Variants in CCNG2 observed in about 807,000 individuals in gnomAD.
The protein encoded by CCNG2 is cyclin G2, also known as cyclin-G2.
CCNG2 carries 20 observed loss-of-function variants against 36.5 expected under a neutral mutation model. That is an observed-to-expected ratio of 0.55 (90% CI 0.39 to 0.80). The LOEUF is 0.80. Ranked by LOEUF, CCNG2 falls within the 30% of genes least tolerant of loss-of-function variation. The pLI is 0.00. For missense variants in CCNG2, 358 were observed against 390.8 expected, an observed-to-expected ratio of 0.92 and a Z score of 0.71; for synonymous variants, 155 against 140.1, an observed-to-expected ratio of 1.11 and a Z score of -0.75.
Position 77,164,472 on chromosome 4 carries a change from A to T in CCNG2, c.904A>T (p.Ser302Cys). 1 of 1,613,140 alleles carries T rather than the reference A, an allele frequency of 6.2e-7. No homozygotes were observed. Among genetic ancestry groups the T allele is most frequent in the Non-Finnish European group, 8.5e-7 (1 of 1,179,126 alleles). ...ACCTGAGGGGGGTTGTTTTGATGAA[A>T]GTGAAAGGTAGGCAGGTTCCTTGAC... The part of the protein sequence containing the change: ...TIPEGGCFDE[S>C]ESEDSCEDMS... The change falls in exon 7 of 8, where the codon AGT (serine) becomes TGT (cysteine). Residue 302 changes from serine (S) to cysteine (C), a missense_variant. Physicochemically the swap from Ser to Cys is moderately radical, Grantham distance 112. Coordinates refer to ENST00000316355, the MANE Select transcript of CCNG2 (RefSeq NM_004354.3).
At position 77,166,603 on chromosome 4, in the gene CCNG2, CTA is replaced by C. The variant is rs1731640343; in HGVS notation, c.*681_*682del. On this transcript the variant is annotated 3_prime_UTR_variant, in exon 8 of 8. Transcript: ENST00000316355. ...TTCCTATTGCCCAAGTATTGTCAAA[CTA>C]TGGTATTATTTTAATGTTACTTTAA... 1 of 152,116 alleles carries C rather than the reference CTA, an allele frequency of 6.6e-6. No homozygotes were observed. The highest frequency in any genetic ancestry group is 1.5e-5 in the Non-Finnish European group (1 of 68,018). 9.4% of individuals were successfully genotyped at this position (152,116 alleles called of 1,614,324 possible).
At chr4:77,158,079 T>G (rs983620732) in intron 1 of CCNG2, among the ~76,000 whole-genome samples, 3 of 151,568 alleles carry the variant, frequency 2.0e-5, no homozygotes, top group Admixed American at 1.3e-4. Flanking sequence ...CTCGGGAGTC[T>G]CCTCCCTCCG....
rs1176001350 is a variant in CCNG2 at position 77,158,452 on chromosome 4, G to A, written c.1-81G>A. The A allele has an allele frequency of 1.3e-5, 19 of 1,415,122 alleles. No homozygotes were observed. In the East Asian group the frequency reaches 4.1e-4, roughly 31 times the overall value. 87.7% of individuals were successfully genotyped at this position (1,415,122 alleles called of 1,614,324 possible). A position where few individuals can be genotyped will look rare whatever the true frequency, so the allele number is the denominator to read the frequency against. On this transcript the variant is annotated intron_variant, in intron 1 of 7. Coordinates refer to ENST00000316355, the MANE Select transcript of CCNG2 (RefSeq NM_004354.3). ...TGTGCTGGGGCGACCCTTGCTGGAG[G>A]TACTGGCCTCAGCCCTTTCTCCCGC...
rs963574564 is a variant in CCNG2 at position 77,157,417 on chromosome 4, C to G, written c.-90C>G. The G allele has an allele frequency of 6.6e-6, 1 of 152,334 alleles. No individual in the cohort carries two copies. Among genetic ancestry groups the G allele is most frequent in the African/African-American group, 2.4e-5 (1 of 41,446 alleles). 9.4% of individuals were successfully genotyped at this position (152,334 alleles called of 1,614,324 possible). ...GGGCACCGCTGAGGCGGTGGGTCCC[C>G]GACCTGCGAGACAGGTTTGGAAGCC... On this transcript the variant is annotated 5_prime_UTR_variant, in exon 1 of 8. Coordinates refer to ENST00000316355, the MANE Select transcript of CCNG2 (RefSeq NM_004354.3).
rs1731365631 is a variant in CCNG2 at position 77,159,419 on chromosome 4, G to A, written c.191G>A (p.Arg64Lys). The A allele has an allele frequency of 6.2e-7, 1 of 1,613,806 alleles. No homozygotes were observed. Among genetic ancestry groups the A allele is most frequent in the African/African-American group, 1.3e-5 (1 of 74,922 alleles). ...GLRNAKVEDL[R>K]SLANFFGSCT... is the part of the protein sequence containing the mutation. ...AGAAATGCCAAAGTTGAAGATTTAA[G>A]GAGTTTAGCCAACTTTTTTGGATCT... Residue 64 changes from arginine to lysine, a missense_variant, in exon 3 of 8, where the codon AGG (arginine) becomes AAG (lysine). Physicochemically the swap from Arg to Lys is conservative, Grantham distance 26. Coordinates refer to ENST00000316355, the MANE Select transcript of CCNG2 (RefSeq NM_004354.3).
In CCNG2 at chr4:77,158,393, C is replaced by T. The variant is rs1731331575; in HGVS notation, c.1-140C>T. On this transcript the variant is annotated intron_variant, in intron 1 of 7. Coordinates refer to ENST00000316355, the MANE Select transcript of CCNG2 (RefSeq NM_004354.3). ...GGGATTGCCCTGGGGCTCTGGCGGA[C>T]GTGACTGGTCCCTTCACCCGCTCCT... 9.3e-6 allele frequency: 7 copies of T among 755,986 alleles called. No homozygotes were observed. In the East Asian group the frequency reaches 1.8e-4, roughly 19 times the overall value. 46.8% of individuals were successfully genotyped at this position (755,986 alleles called of 1,614,324 possible). A position where few individuals can be genotyped will look rare whatever the true frequency, so the allele number is the denominator to read the frequency against.
In CCNG2 at chr4:77,167,348, CTG is replaced by C. The variant is rs1731655674; in HGVS notation, c.*1427_*1428del. ...AGCAGAAGTTCTCTAGGTTTGGCAT[CTG>C]TGCCTTGGAGATACTGAAAGAGAAT... On this transcript the variant is annotated 3_prime_UTR_variant, in exon 8 of 8. Transcript: ENST00000316355. 1 of 152,226 alleles carries C rather than the reference CTG, an allele frequency of 6.6e-6. No individual in the cohort carries two copies. 9.4% of individuals were successfully genotyped at this position (152,226 alleles called of 1,614,324 possible). A position where few individuals can be genotyped will look rare whatever the true frequency, so the allele number is the denominator to read the frequency against.
rs1270286710 is a variant in CCNG2 at position 77,166,893 on chromosome 4, G to A, written c.*969G>A. The A allele has an allele frequency of 6.6e-6, 1 of 152,164 alleles. No homozygotes were observed. The highest frequency in any genetic ancestry group is 1.5e-5 in the Non-Finnish European group (1 of 68,010). 9.4% of individuals were successfully genotyped at this position (152,164 alleles called of 1,614,324 possible). A position where few individuals can be genotyped will look rare whatever the true frequency, so the allele number is the denominator to read the frequency against. ...TTATAGTTTTAAGCAAATCTGTGTG[G>A]TGATACAGCCATAAGAATGGGGCTT... On this transcript the variant is annotated 3_prime_UTR_variant, in exon 8 of 8. Transcript: ENST00000316355.
intron 1 of CCNG2, among the ~76,000 whole-genome samples, chr4:77,157,934 C>T (rs1453021578): frequency 6.6e-6 from 1 of 152,104 alleles, no homozygotes; most frequent in Non-Finnish European, 1.5e-5. Flanking sequence ...TGCCGCGCCA[C>T]CCCAGGGCTC....
chr4:77,157,956 G>A (rs920313880), intron 1 of CCNG2, among the ~76,000 whole-genome samples: 1 of 151,990 alleles, frequency 6.6e-6, no homozygotes, highest in African/African-American at 2.4e-5. Flanking sequence ...TGGGACGGGG[G>A]TATCCGCCTC....
At chr4:77,161,588 C>T (rs1266723769) in intron 5 of CCNG2, 30 bp downstream of exon 5, 6 of 1,579,282 alleles carry the variant, frequency 3.8e-6, no homozygotes, top group African/African-American at 2.7e-5. Context: ...ATGTATATAT[C>T]TCACAGTTTG....
rs34505988 is a variant in CCNG2, at chr4:77,161,099, C to CTTTTTTT, written c.527+141_527+147dup. 4.6e-3 allele frequency: 1,411 copies of CTTTTTTT among 306,942 alleles called. 4 individuals carry two copies. The highest frequency in any genetic ancestry group is 6.1e-3 in the South Asian group (180 of 29,314). The allele number at this position is 306,942 out of a possible 1,614,324, so 19.0% of individuals were successfully genotyped here. ...TTCAACTTTGACTTTATTGGTAAAT[C>CTTTTTTT]TTTTTTTTTTTTTTTTTTTGGAGAA... On this transcript the variant is annotated intron_variant, in intron 4 of 7. Transcript: ENST00000316355.
chr4:77,158,469 T>C, intron 1 of CCNG2, 64 bp from the exon 2 acceptor site: 1 of 1,568,322 alleles, frequency 6.4e-7, no homozygotes, highest in African/African-American at 1.3e-5. Context: ...CCTCAGCCCT[T>C]TCTCCCGCTT....
intron 7 of CCNG2, 82 bp from the exon 8 acceptor site, chr4:77,165,719 T>C (rs776342196): frequency 2.5e-6 from 3 of 1,210,810 alleles, no homozygotes; most frequent in Admixed American, 2.8e-5. Flanking sequence ...ACTAGAGATA[T>C]AGCAGCTTTA....
chr4:77,160,616 C>A, intron 3 of CCNG2, 105 bp from the exon 4 acceptor site: 1 of 1,149,232 alleles, frequency 8.7e-7, no homozygotes, highest in South Asian at 1.5e-5. Flanking sequence ...AGAGAAACAA[C>A]TTGATTGTGT....
chr4:77,161,104 T>C, intron 4 of CCNG2, 133 bp downstream of exon 4: 1 of 690,584 alleles, frequency 1.4e-6, no homozygotes. Flanking sequence ...TAAATCTTTT[T>C]TTTTTTTTTT....
At chr4:77,160,151 T>C (rs982164649) in intron 3 of CCNG2, among the ~76,000 whole-genome samples, 15 of 151,896 alleles carry the variant, frequency 9.9e-5, no homozygotes, top group African/African-American at 3.6e-4. Flanking sequence ...AAGATTTTTA[T>C]GTAAAAAGAT....
At chr4:77,159,683 C>T (rs1577904269) in intron 3 of CCNG2, among the ~76,000 whole-genome samples, 179 bp downstream of exon 3, 1 of 152,120 alleles carries the variant, frequency 6.6e-6, no homozygotes. Context: ...ATTGTTGTAT[C>T]TTAGGTTTTT....
intron 1 of CCNG2, 57 bp from the exon 2 acceptor site, chr4:77,158,476 G>T: frequency 6.3e-7 from 1 of 1,593,122 alleles, no homozygotes. Flanking sequence ...CCTTTCTCCC[G>T]CTTCCCCACC....
Sources: allele counts gnomAD v4.1 joint callset (sites outside exome capture counted in the v4.1 genomes callset), GRCh38; gene constraint gnomAD v4.1.1; transcripts MANE v1.5; gene names NCBI Gene and HGNC (gene_info 2026-07-23, HGNC 2026-07-21).